The following GDPD4 variants were observed in gnomAD, a reference collection of about 807,000 sequenced individuals.
GDPD4 encodes glycerophosphodiester phosphodiesterase domain containing 4.
In GDPD4, 60 loss-of-function variants were observed where a neutral mutation model predicts 67.8. The ratio of observed to expected loss-of-function variants is 0.88; its 90% confidence interval spans 0.72 to 1.10. The LOEUF is 1.10. Ranked by LOEUF, GDPD4 falls within the 50% of genes least tolerant of loss-of-function variation. The pLI, the probability that GDPD4 is intolerant of heterozygous loss-of-function variation, is 0.00. For missense variants in GDPD4, 623 were observed against 613.9 expected (o/e 1.01, Z -0.16); for synonymous variants, 212 against 210.9 (o/e 1.00, Z -0.04).
At chr11:77,299,103 A>G (rs1041366981) in intron 1 of GDPD4, among the ~76,000 whole-genome samples, 3 of 149,576 alleles carry the variant, frequency 2.0e-5, no homozygotes, top group Non-Finnish European at 4.4e-5. Flanking sequence ...TCTCACCCAG[A>G]GTATCACACA....
At chr11:77,263,410 CAT>C (rs1379052083) in intron 10 of GDPD4, among the ~76,000 whole-genome samples, 1 of 151,780 alleles carries the variant, frequency 6.6e-6, no homozygotes, top group African/African-American at 2.4e-5. Context: ...AGTTAAAGAT[CAT>C]ATTGTAAACT....
chr11:77,274,990 A>G (rs1959390944), intron 5 of GDPD4, among the ~76,000 whole-genome samples: 1 of 152,222 alleles, frequency 6.6e-6, no homozygotes, highest in Admixed American at 6.5e-5. Context: ...TAAGGTGACT[A>G]CAGTTAGCAA....
At chr11:77,268,747 G>A (rs768547836) in intron 9 of GDPD4, among the ~76,000 whole-genome samples, 177 bp downstream of exon 9, 1 of 152,168 alleles carries the variant, frequency 6.6e-6, no homozygotes, top group Non-Finnish European at 1.5e-5. Context: ...AAAGAGAAAT[G>A]GACTGGGAGT....
intron 3 of GDPD4, among the ~76,000 whole-genome samples, chr11:77,284,125 T>G (rs1263643947): frequency 3.3e-5 from 5 of 152,210 alleles, no homozygotes; most frequent in Non-Finnish European, 7.3e-5. Context: ...CAAAGATTTA[T>G]CTGCATTACT....
At chr11:77,237,348 G>A (rs1339150309) in intron 13 of GDPD4, among the ~76,000 whole-genome samples, 1 of 152,188 alleles carries the variant, frequency 6.6e-6, no homozygotes, top group Non-Finnish European at 1.5e-5. Context: ...TATCTGATAT[G>A]TGAATGTTTG....
At position 77,245,250 on chromosome 11, in the gene GDPD4, A is replaced by C. The variant is rs375831006; in HGVS notation, c.1086+31T>G. ...CCTAGGACATGCTACCCACCTCCCA[A>C]CCTATGTCATAAATACTGAGATAGA... On this transcript the variant is annotated intron_variant, in intron 12 of 16. Coordinates refer to ENST00000315938, the MANE Select transcript of GDPD4 (RefSeq NM_182833.3). The C allele has an allele frequency of 5.8e-6, 9 of 1,563,810 alleles. No homozygotes were observed. The African/African-American group carries it at 1.2e-4, about 21-fold the overall frequency.
In GDPD4 at chr11:77,269,936, G is replaced by A. The variant is rs1959199670; in HGVS notation, c.425C>T (p.Thr142Ile). 1.9e-6 allele frequency: 3 copies of A among 1,574,634 alleles called. No individual in the cohort carries two copies. Among genetic ancestry groups the A allele is most frequent in the Non-Finnish European group, 2.6e-6 (3 of 1,145,738 alleles). Residue 142 changes from threonine to isoleucine, a missense_variant, in exon 8 of 17, where the codon ACA becomes ATA. By Grantham distance (89) the Thr-to-Ile change is moderately conservative. Coordinates refer to ENST00000315938, the MANE Select transcript of GDPD4 (RefSeq NM_182833.3). ...CTTGAGTCTTTTTTTCTCAGAATGT[G>A]TCATCCTGTATCTTCTCATTCTAAC... ...REVRMRRYRM[T>I]HSEKKRLKQC...
chr11:77,233,035 T>A lies in GDPD4; in HGVS notation c.1379A>T (p.His460Leu). 1 of 1,613,762 alleles carries A rather than the reference T, an allele frequency of 6.2e-7. No individual in the cohort carries two copies. ...GGACAACCAGCTCACCATGAAGAAG[T>A]GAGGGTGATCAAGCTGACTCAGGAG... ...IGLLSQLDHP[H>L]FFMTPKFYVF... Residue 460 changes from histidine to leucine, a missense_variant, in exon 14 of 17, where the codon CAC (histidine) becomes CTC (leucine). His to Leu is a moderately conservative substitution (Grantham distance 99). Coordinates refer to ENST00000315938, the MANE Select transcript of GDPD4 (RefSeq NM_182833.3).
intron 11 of GDPD4, among the ~76,000 whole-genome samples, chr11:77,249,137 G>C (rs935844500): frequency 2.6e-5 from 4 of 151,036 alleles, no homozygotes; most frequent in African/African-American, 9.7e-5. Context: ...GTGGTGGTGT[G>C]TGCCTGTAGT....
intron 7 of GDPD4, among the ~76,000 whole-genome samples, chr11:77,270,578 G>A (rs1169764775): frequency 4.6e-5 from 7 of 152,108 alleles, no homozygotes; most frequent in East Asian, 1.9e-4. Flanking sequence ...GCGTGGTGGT[G>A]CATGCCTGTA....
At chr11:77,284,660 C>A (rs1056607476) in intron 3 of GDPD4, among the ~76,000 whole-genome samples, 1 of 152,062 alleles carries the variant, frequency 6.6e-6, no homozygotes, top group African/African-American at 2.4e-5. Context: ...TCGTAGGAAG[C>A]CTCCTAAGAA....
At chr11:77,293,259 G>T (rs1937841342) in intron 1 of GDPD4, among the ~76,000 whole-genome samples, 1 of 152,188 alleles carries the variant, frequency 6.6e-6, no homozygotes, top group South Asian at 2.1e-4. Context: ...ACCAAGTGTA[G>T]TTTTCCTAAG....
At chr11:77,221,230 T>C in intron 16 of GDPD4, among the ~76,000 whole-genome samples, 1 of 152,212 alleles carries the variant, frequency 6.6e-6, no homozygotes, top group Non-Finnish European at 1.5e-5. Context: ...TGTGTCTCTA[T>C]CTCCTTCAGT....
rs149632952 is a variant in GDPD4 at position 77,226,779 on chromosome 11, G to A, written c.1525+1085C>T. Among the ~76,000 whole-genome samples, 41 of 152,212 alleles carry A rather than the reference G, an allele frequency of 2.7e-4. No homozygotes were observed. In the East Asian group the frequency reaches 5.0e-3, roughly 19 times the overall value. ...TCAAGTAACCATGTAACTTGAGGTC[G>A]CCCTGCCTCAGACCTGGGTAAACTT... On this transcript the variant is annotated intron_variant, in intron 16 of 16. Coordinates refer to ENST00000315938, the MANE Select transcript of GDPD4 (RefSeq NM_182833.3).
At chr11:77,277,224 T>TAAAAA (rs34429129) in intron 4 of GDPD4, among the ~76,000 whole-genome samples, 1 of 134,878 alleles carries the variant, frequency 7.4e-6, no homozygotes, top group Non-Finnish European at 1.6e-5. Context: ...TTTCCCCATG[T>TAAAAA]AAAAAAAAAA....
chr11:77,271,306 G>C lies in GDPD4; in HGVS notation c.295C>G (p.Leu99Val). The change falls in exon 6 of 17, where the codon CTG becomes GTG. Residue 99 changes from leucine to valine, a missense_variant. Coordinates refer to ENST00000315938, the MANE Select transcript of GDPD4 (RefSeq NM_182833.3). Reference sequence around the variant, plus strand: ...AGGATGATGCTTACCTGCATTGACAGCCCAGCTACCAGCCACCTTTCTTTC... The same window carrying C: ...AGGATGATGCTTACCTGCATTGACACCCCAGCTACCAGCCACCTTTCTTTC... Reference protein sequence around the residue: ...FWKERWLVAGLSMQIFAPYVH... With the variant: ...FWKERWLVAGVSMQIFAPYVH... 1 of 1,612,806 alleles carries C rather than the reference G, an allele frequency of 6.2e-7. No individual in the cohort carries two copies. The highest frequency in any genetic ancestry group is 8.5e-7 in the Non-Finnish European group (1 of 1,178,776).
chr11:77,227,981 C>T, intron 15 of GDPD4, 65 bp from the exon 16 acceptor site: 1 of 1,065,680 alleles, frequency 9.4e-7, no homozygotes, highest in Non-Finnish European at 1.5e-6. Context: ...TTCTAACGTT[C>T]CTCCTCCAGG....
At chr11:77,235,392 G>A (rs187128128) in intron 13 of GDPD4, among the ~76,000 whole-genome samples, 2 of 152,002 alleles carry the variant, frequency 1.3e-5, no homozygotes, top group African/African-American at 2.4e-5. Context: ...AAAAAAAATA[G>A]TGTGAGAGGG....
chr11:77,217,987 T>A (rs538490596), intron 16 of GDPD4, among the ~76,000 whole-genome samples: 62 of 151,328 alleles, frequency 4.1e-4, no homozygotes, highest in African/African-American at 1.5e-3. Context: ...ACCTTTTATT[T>A]TTATTAATTA....
Sources: allele counts gnomAD v4.1 joint callset (sites outside exome capture counted in the v4.1 genomes callset), GRCh38; gene constraint gnomAD v4.1.1; transcripts MANE v1.5; gene names NCBI Gene and HGNC (gene_info 2026-07-23, HGNC 2026-07-21).